The following CACNB1 variants were observed in gnomAD, a reference collection of about 807,000 sequenced individuals.
CACNB1 encodes calcium voltage-gated channel auxiliary subunit beta 1.
CACNB1 carries 29 observed loss-of-function variants against 71.6 expected under a neutral mutation model. The observed-to-expected ratio is 0.40, with a 90% CI of 0.30 to 0.55. The LOEUF is 0.55. CACNB1 is among the 20% of genes least tolerant of loss of function. The probability of loss-of-function intolerance (pLI) is 0.38; values close to 1 mark genes in which losing one functional copy is unlikely to be tolerated. For missense variants in CACNB1, 623 were observed against 801.8 expected (o/e 0.78, Z 2.69); for synonymous variants, 300 against 319.6 (o/e 0.94, Z 0.65).
Position 39,186,409 on chromosome 17 carries a change from A to C in CACNB1, c.628+87T>G. 3.1e-5 allele frequency: 28 copies of C among 917,042 alleles called. No individual in the cohort carries two copies. The highest frequency in any genetic ancestry group is 4.3e-5 in the Non-Finnish European group (25 of 586,836). The allele number at this position is 917,042 out of a possible 1,614,324, so 56.8% of individuals were successfully genotyped here. The stretch of plus-strand genomic sequence containing the variant: ...GGGACTCAGGATTGGGGTGTTTCCT[A>C]CTGCAGGGAAAGGAGGATTCAGGGA... On this transcript the variant is annotated intron_variant, in intron 6 of 13. Transcript: ENST00000394303. This position sits in a 1 kb window ranked among gnomAD's most constrained non-coding sequence, Gnocchi z 4.1.
chr17:39,194,846 CAG>C lies in CACNB1; in HGVS notation c.171+36_171+37del, dbSNP rs1437498413. 3.5e-6 allele frequency: 5 copies of C among 1,442,648 alleles called. No individual in the cohort carries two copies. In the Admixed American group the frequency reaches 8.7e-5, roughly 25 times the overall value. 89.4% of individuals were successfully genotyped at this position (1,442,648 alleles called of 1,614,324 possible). A position where few individuals can be genotyped will look rare whatever the true frequency, so the allele number is the denominator to read the frequency against. ...CTCACCAATGCTGGTCTCCACCAACCAGCCACCTCCCTCCTCTCCGCCCAGCC... is the reference window on the plus strand; with the variant it reads ...CTCACCAATGCTGGTCTCCACCAACCCCACCTCCCTCCTCTCCGCCCAGCC... On this transcript the variant is annotated intron_variant, in intron 2 of 13. Transcript: ENST00000394303. The surrounding 1 kb of genome is among the most constrained non-coding windows in gnomAD (Gnocchi z 4.6).
chr17:39,197,483 T>G lies in CACNB1; in HGVS notation c.13A>C (p.Thr5Pro). 1 of 1,493,284 alleles carries G rather than the reference T, an allele frequency of 6.7e-7. No individual in the cohort carries two copies. The highest frequency in any genetic ancestry group is 8.9e-7 in the Non-Finnish European group (1 of 1,124,370). The allele number at this position is 1,493,284 out of a possible 1,614,324, so 92.5% of individuals were successfully genotyped here. The change falls in exon 1 of 14, where the codon ACC becomes CCC. Residue 5 changes from threonine to proline, a missense_variant. Coordinates refer to ENST00000394303, the MANE Select transcript of CACNB1 (RefSeq NM_000723.5). ...GGGTAAGGGCCCCGGGACATGCTGGTCTTCTGGACCATGGAGAGGAGCCTC... is the reference window on the plus strand; with the variant it reads ...GGGTAAGGGCCCCGGGACATGCTGGGCTTCTGGACCATGGAGAGGAGCCTC... MVQK[T>P]SMSRGPYPPS...
chr17:39,185,556 G>GCCC (rs61295679), intron 6 of CACNB1, among the ~76,000 whole-genome samples: 6,220 of 149,540 alleles, frequency 0.042, 137 homozygotes, highest in African/African-American at 0.048. Context: ...GCAGCCAGCA[G>GCCC]CCCCCCCCCA....
intron 1 of CACNB1, among the ~76,000 whole-genome samples, chr17:39,195,563 G>C (rs1189830455): frequency 1.3e-5 from 2 of 152,164 alleles, no homozygotes; most frequent in Non-Finnish European, 2.9e-5. Context: ...CCAGATTTCT[G>C]GGGAGGGAGT....
At chr17:39,182,051 C>T (rs934262541) in intron 11 of CACNB1, among the ~76,000 whole-genome samples, 2 of 152,032 alleles carry the variant, frequency 1.3e-5, no homozygotes, top group African/African-American at 4.8e-5. Flanking sequence ...GTCCCAGCTA[C>T]TCAGGAGGAT....
In CACNB1 at chr17:39,189,194, C is replaced by G. The variant is rs1448697827; in HGVS notation, c.292-1593G>C. ...CCTGGCTAACATGGTGAAACCCCGTCTCTACTAAAAATATAAAAATTAGCT... is the reference window on the plus strand; with the variant it reads ...CCTGGCTAACATGGTGAAACCCCGTGTCTACTAAAAATATAAAAATTAGCT... On this transcript the variant is annotated intron_variant, in intron 3 of 13. Coordinates refer to ENST00000394303, the MANE Select transcript of CACNB1 (RefSeq NM_000723.5). Among the ~76,000 whole-genome samples the G allele has an allele frequency of 2.0e-5, 3 of 151,600 alleles. No homozygotes were observed. The East Asian group carries it at 5.9e-4, about 30-fold the overall frequency.
chr17:39,175,508 C>T lies in CACNB1; in HGVS notation c.1482G>A (p.Leu494=), dbSNP rs1417002988. 7.4e-6 allele frequency: 12 copies of T among 1,613,948 alleles called. No homozygotes were observed. The highest frequency in any genetic ancestry group is 5.9e-6 in the Non-Finnish European group (7 of 1,180,012). ...PPGRAGTLRA[L]SRQDTFDADT... ...CGGCATCAAAAGTGTCTTGGCGGGA[C>T]AGTGCCCGTAGCGTGCCTGCCCGGC... The change falls in exon 14 of 14, where the codon CTG becomes CTA. Residue 494 remains leucine, a synonymous_variant. Coordinates refer to ENST00000394303, the MANE Select transcript of CACNB1 (RefSeq NM_000723.5). The surrounding 1 kb of genome is among the most constrained non-coding windows in gnomAD (Gnocchi z 4.7).
intron 11 of CACNB1, chr17:39,182,832 T>TA (rs1359851941): frequency 2.6e-6 from 1 of 388,270 alleles, no homozygotes; most frequent in Non-Finnish European, 3.5e-6. Flanking sequence ...GGTGAAGAAA[T>TA]AGAGAATCAG....
intron 7 of CACNB1, 133 bp from the exon 8 acceptor site, chr17:39,184,997 G>A: frequency 1.0e-6 from 1 of 977,516 alleles, no homozygotes; most frequent in Non-Finnish European, 1.7e-6. Flanking sequence ...TCAGGGTGGG[G>A]GTGGGGAGGG....
In CACNB1 at chr17:39,194,260, T is replaced by C. The variant is rs185303406; in HGVS notation, c.171+624A>G. Among the ~76,000 whole-genome samples the C allele has an allele frequency of 5.3e-4, 80 of 152,312 alleles. No homozygotes were observed. The East Asian group carries it at 0.014, about 26-fold the overall frequency. Reference sequence around the variant, plus strand: ...CAGATGAGAGCAGCCGCTTACTGACTGAGCACAGAAGACCCCAGAAAGCTA... The same window carrying C: ...CAGATGAGAGCAGCCGCTTACTGACCGAGCACAGAAGACCCCAGAAAGCTA... On this transcript the variant is annotated intron_variant, in intron 2 of 13. Coordinates refer to ENST00000394303, the MANE Select transcript of CACNB1 (RefSeq NM_000723.5). The surrounding 1 kb of genome is among the most constrained non-coding windows in gnomAD (Gnocchi z 4.6).
chr17:39,184,192 C>T, intron 9 of CACNB1, 52 bp from the exon 10 acceptor site: 3 of 1,364,704 alleles, frequency 2.2e-6, no homozygotes, highest in South Asian at 2.4e-5. Flanking sequence ...CTGGAATGCC[C>T]TGCCCACTCC....
At position 39,175,928 on chromosome 17, in the gene CACNB1, G is replaced by A. The variant is rs536329040; in HGVS notation, c.1333-271C>T. Among the ~76,000 whole-genome samples, 270 of 152,270 alleles carry A rather than the reference G, an allele frequency of 1.8e-3. No homozygotes were observed. Among genetic ancestry groups the A allele is most frequent in the African/African-American group, 4.7e-3 (194 of 41,554 alleles). On this transcript the variant is annotated intron_variant, in intron 13 of 13. Transcript: ENST00000394303. The surrounding 1 kb of genome is among the most constrained non-coding windows in gnomAD (Gnocchi z 4.7). ...CTCAGGGCAACTATGGCCAACAGCC[G>A]TGAGCCATGAGTCACCGCTTCCTCA...
chr17:39,175,539 G>A lies in CACNB1; in HGVS notation c.1451C>T (p.Pro484Leu). The A allele has an allele frequency of 6.2e-7, 1 of 1,613,806 alleles. No individual in the cohort carries two copies. The highest frequency in any genetic ancestry group is 8.5e-7 in the Non-Finnish European group (1 of 1,179,972). The change falls in exon 14 of 14, where the codon CCA becomes CTA. Residue 484 changes from proline (P) to leucine (L), a missense_variant. Physicochemically the swap from Pro to Leu is moderately conservative, Grantham distance 98 (BLOSUM62 -3). Transcript: ENST00000394303. The surrounding 1 kb of genome is among the most constrained non-coding windows in gnomAD (Gnocchi z 4.7). Reference protein sequence around the residue: ...QPPGLYPSSHPPGRAGTLRAL... With the variant: ...QPPGLYPSSHLPGRAGTLRAL... Reference sequence around the variant, plus strand: ...CCGTAGCGTGCCTGCCCGGCCTGGTGGGTGGCTGCTGGGGTAAAGGCCTGG... The same window carrying A: ...CCGTAGCGTGCCTGCCCGGCCTGGTAGGTGGCTGCTGGGGTAAAGGCCTGG...
intron 1 of CACNB1, among the ~76,000 whole-genome samples, chr17:39,197,008 C>G (rs2046215160): frequency 6.6e-6 from 1 of 151,806 alleles, no homozygotes; most frequent in East Asian, 1.9e-4. Context: ...CCCACCCACA[C>G]CCGCCTGGCG....
intron 10 of CACNB1, 31 bp downstream of exon 10, chr17:39,184,000 G>T (rs759717309): frequency 3.1e-5 from 48 of 1,561,896 alleles, no homozygotes; most frequent in South Asian, 8.9e-5. Context: ...GGCCCAGAAA[G>T]GGGGAGTGAA....
At position 39,184,368 on chromosome 17, in the gene CACNB1, G is replaced by A; in HGVS notation, c.745C>T (p.Gln249Ter). Residue 249 changes from glutamine to a stop codon, truncating the protein, a stop_gained, in exon 9 of 14, where the codon CAG becomes TAG. Transcript: ENST00000394303. LOFTEE classifies it high-confidence loss of function. ...TTCAAGAAGTCAAATAAAGCTTTCT[G>A]CATCATGTCTGTAACCTGGGGGTGG... is the stretch of plus-strand genomic sequence containing the variant. ...LKGYEVTDMM[Q>*]KALFDFLKHR... 2 of 1,145,788 alleles carry A rather than the reference G, an allele frequency of 1.7e-6. No individual in the cohort carries two copies. Among genetic ancestry groups the A allele is most frequent in the Non-Finnish European group, 2.4e-6 (2 of 833,420 alleles). 71.0% of individuals were successfully genotyped at this position (1,145,788 alleles called of 1,614,324 possible).
Position 39,184,846 on chromosome 17 carries a change from AG to A in CACNB1, c.666del (p.Tyr223MetfsTer7). On this transcript the variant is annotated frameshift_variant, in exon 8 of 14. Coordinates refer to ENST00000394303, the MANE Select transcript of CACNB1 (RefSeq NM_000723.5). LOFTEE classifies it high-confidence loss of function. ...GGCCTCATGGAAGGCACCACGTCAT[AG>A]GGGGGCACATGCTCTGTCTGGGGGG... is the stretch of plus-strand genomic sequence containing the variant. Reference protein sequence around the residue: ...QKQKSTEHVPPYDVVPSMRPI... With the variant: ...QKQKSTEHVPXYDVVPSMRPI... 6.5e-7 allele frequency: 1 copy of A among 1,544,184 alleles called. No homozygotes were observed. The highest frequency in any genetic ancestry group is 8.9e-7 in the Non-Finnish European group (1 of 1,118,612).
At chr17:39,177,844 G>C (rs537120230) in intron 12 of CACNB1, 140 bp downstream of exon 12, 1 of 715,154 alleles carries the variant, frequency 1.4e-6, no homozygotes, top group Non-Finnish European at 2.5e-6. Context: ...CGGGACCTGC[G>C]CTCTTCCCAG....
At position 39,185,112 on chromosome 17, in the gene CACNB1, A is replaced by C. The variant is rs374765904; in HGVS notation, c.648+19T>G. The C allele has an allele frequency of 1.9e-6, 3 of 1,612,876 alleles. No homozygotes were observed. Among genetic ancestry groups the C allele is most frequent in the Admixed American group, 1.7e-5 (1 of 59,966 alleles). On this transcript the variant is annotated intron_variant, in intron 7 of 13. Coordinates refer to ENST00000394303, the MANE Select transcript of CACNB1 (RefSeq NM_000723.5). ...TCCCAGGGAGTGGGGAGGAGGACAC[A>C]GAAAGCTGTGATACTCACCGACTTC...
Sources: allele counts gnomAD v4.1 joint callset (sites outside exome capture counted in the v4.1 genomes callset), GRCh38; gene constraint gnomAD v4.1.1; non-coding constraint Gnocchi (gnomAD v3.1); transcripts MANE v1.5; gene names NCBI Gene and HGNC (gene_info 2026-07-23, HGNC 2026-07-21).